Variants in NDST4 observed in about 807,000 individuals in gnomAD.
NDST4 encodes N-deacetylase and N-sulfotransferase 4.
Under a neutral mutation model 100.8 loss-of-function variants are expected in NDST4, and 63 were observed. The observed-to-expected ratio is 0.62, with a 90% CI of 0.51 to 0.77. NDST4 has a LOEUF of 0.77. NDST4 is among the 30% of genes least tolerant of loss of function. The pLI is 0.00. For missense variants in NDST4, 943 were observed against 1,018.4 expected, an observed-to-expected ratio of 0.93 and a Z score of 1.01; for synonymous variants, 377 against 361.8, an observed-to-expected ratio of 1.04 and a Z score of -0.48.
At chr4:115,030,578 A>T (rs1560573291) in intron 2 of NDST4, among the ~76,000 whole-genome samples, 1 of 152,132 alleles carries the variant, frequency 6.6e-6, no homozygotes, top group Non-Finnish European at 1.5e-5. Flanking sequence ...AAGAAATATA[A>T]TAAAACAGAA....
intron 2 of NDST4, among the ~76,000 whole-genome samples, chr4:114,989,139 C>A (rs925800682): frequency 1.3e-5 from 2 of 152,136 alleles, no homozygotes; most frequent in Admixed American, 1.3e-4. Flanking sequence ...ACCTGCTAGT[C>A]TACCAAGTGA....
chr4:114,856,271 T>C (rs1179820724), intron 7 of NDST4, among the ~76,000 whole-genome samples: 2 of 152,104 alleles, frequency 1.3e-5, no homozygotes, highest in African/African-American at 4.8e-5. Flanking sequence ...GCCATGTTGC[T>C]CAGGCTGGTC....
intron 6 of NDST4, among the ~76,000 whole-genome samples, chr4:114,909,538 T>C (rs1482269680): frequency 1.3e-5 from 2 of 150,890 alleles, no homozygotes; most frequent in African/African-American, 4.9e-5. Flanking sequence ...CGGGCGCCTG[T>C]AGTCCCAGCT....
chr4:114,904,919 C>G (rs573472936), intron 6 of NDST4, among the ~76,000 whole-genome samples: 2 of 151,914 alleles, frequency 1.3e-5, no homozygotes, highest in East Asian at 3.9e-4. Context: ...CTGGAAAAGA[C>G]CTCAAAGGGA....
chr4:114,828,818 C>T (rs1723136389), intron 13 of NDST4, among the ~76,000 whole-genome samples: 1 of 152,106 alleles, frequency 6.6e-6, no homozygotes, highest in African/African-American at 2.4e-5. Context: ...CTCAATATTT[C>T]AACACAAATG....
intron 2 of NDST4, among the ~76,000 whole-genome samples, chr4:115,001,271 A>T (rs1727283743): frequency 6.6e-6 from 1 of 151,988 alleles, no homozygotes; most frequent in Non-Finnish European, 1.5e-5. Context: ...CCTTGCCTTG[A>T]TCAAGGGGTC....
intron 4 of NDST4, among the ~76,000 whole-genome samples, chr4:114,945,023 G>A (rs1368132452): frequency 2.0e-5 from 3 of 151,694 alleles, no homozygotes; most frequent in Admixed American, 6.6e-5. Context: ...CAGCCTAACC[G>A]ACATGGAGAA....
At chr4:115,113,064 A>G (rs1729985557) in intron 1 of NDST4, among the ~76,000 whole-genome samples, 1 of 151,972 alleles carries the variant, frequency 6.6e-6, no homozygotes, top group Non-Finnish European at 1.5e-5. Flanking sequence ...GGAAACATTT[A>G]TAACCCTACA....
At chr4:114,965,767 CT>C (rs907491381) in intron 4 of NDST4, among the ~76,000 whole-genome samples, 25 of 151,740 alleles carry the variant, frequency 1.6e-4, no homozygotes, top group Non-Finnish European at 3.7e-4. Flanking sequence ...AATTTTTAAA[CT>C]TTTTTTTCCA....
intron 2 of NDST4, among the ~76,000 whole-genome samples, chr4:115,060,698 C>A (rs1040188898): frequency 1.3e-5 from 2 of 151,726 alleles, no homozygotes; most frequent in Non-Finnish European, 2.9e-5. Flanking sequence ...AATAATGATA[C>A]CTTTTTTTCT....
At chr4:115,009,555 A>C (rs1244349065) in intron 2 of NDST4, among the ~76,000 whole-genome samples, 1 of 123,064 alleles carries the variant, frequency 8.1e-6, no homozygotes, top group Admixed American at 8.3e-5. Flanking sequence ...TAAAGACTTA[A>C]ACGTTAGACC....
intron 4 of NDST4, among the ~76,000 whole-genome samples, chr4:114,946,496 T>C (rs1219663477): frequency 6.6e-6 from 1 of 152,122 alleles, no homozygotes; most frequent in East Asian, 1.9e-4. Context: ...GAGAAGGTAG[T>C]AGTTTGAGTT....
At chr4:115,053,966 T>A (rs1435270227) in intron 2 of NDST4, among the ~76,000 whole-genome samples, 1 of 152,090 alleles carries the variant, frequency 6.6e-6, no homozygotes, top group Non-Finnish European at 1.5e-5. Context: ...ACCTAATGGA[T>A]CTTAATCACT....
chr4:115,063,939 C>T (rs919670585), intron 2 of NDST4, among the ~76,000 whole-genome samples: 1 of 151,738 alleles, frequency 6.6e-6, no homozygotes, highest in African/African-American at 2.4e-5. Context: ...CATTAATTGT[C>T]TTCTTCCCTG....
chr4:114,947,351 T>A (rs748517316), intron 4 of NDST4, among the ~76,000 whole-genome samples: 7 of 152,114 alleles, frequency 4.6e-5, no homozygotes, highest in African/African-American at 7.2e-5. Context: ...AGAGGTTGAA[T>A]AAGGAGGAAA....
chr4:114,940,516 C>T (rs775840646), intron 4 of NDST4, among the ~76,000 whole-genome samples: 2 of 152,168 alleles, frequency 1.3e-5, no homozygotes, highest in Non-Finnish European at 2.9e-5. Flanking sequence ...CTTTCAATCC[C>T]TAACAGGACG....
In NDST4 at chr4:114,839,371, A is replaced by G. The variant is rs1381566842; in HGVS notation, c.2286+7T>C. The G allele has an allele frequency of 1.2e-6, 2 of 1,603,464 alleles. No individual in the cohort carries two copies. The highest frequency in any genetic ancestry group is 1.7e-5 in the Admixed American group (1 of 59,076). On this transcript the variant is annotated splice_region_variant and intron_variant, in intron 11 of 13. Coordinates refer to ENST00000264363, the MANE Select transcript of NDST4 (RefSeq NM_022569.3). ...ATAAACAGAAGAAAGTAATTTCAGG[A>G]CATTACCTGAGAAGTAGCAAAGTAA...
chr4:114,986,259 T>C (rs1382936297), intron 2 of NDST4, among the ~76,000 whole-genome samples: 1 of 152,172 alleles, frequency 6.6e-6, no homozygotes, highest in Non-Finnish European at 1.5e-5. Flanking sequence ...TAAACTGCAG[T>C]GTGTTCATTG....
At chr4:115,037,852 G>T (rs916533325) in intron 2 of NDST4, among the ~76,000 whole-genome samples, 4 of 151,950 alleles carry the variant, frequency 2.6e-5, no homozygotes, top group African/African-American at 9.7e-5. Context: ...TTAAATTATA[G>T]AAGAAAAAAA....
Sources: allele counts gnomAD v4.1 joint callset (sites outside exome capture counted in the v4.1 genomes callset), GRCh38; gene constraint gnomAD v4.1.1; transcripts MANE v1.5; gene names NCBI Gene and HGNC (gene_info 2026-07-23, HGNC 2026-07-21).